TSPEAR: variants seen among roughly 807,000 people sequenced by gnomAD.
TSPEAR encodes the protein thrombospondin type laminin G domain and EAR repeats, also known as thrombospondin-type laminin G domain and EAR repeat-containing protein.
A neutral mutation model predicts 71.6 loss-of-function variants in TSPEAR; 69 were observed. The observed-to-expected ratio is 0.96, with a 90% CI of 0.79 to 1.18. The LOEUF (loss-of-function observed/expected upper bound fraction) is 1.18. Among genes scored for constraint, TSPEAR ranks in the 50% most tolerant of loss-of-function variants. The probability of loss-of-function intolerance (pLI) is 0.00; values close to 1 mark genes in which losing one functional copy is unlikely to be tolerated. For missense variants in TSPEAR, 971 were observed against 894.9 expected (o/e 1.09, Z -1.09); for synonymous variants, 402 against 387.2 (o/e 1.04, Z -0.45).
intron 1 of TSPEAR, chr21:44,637,789 T>A (rs1983725747): frequency 7.4e-7 from 1 of 1,347,714 alleles, no homozygotes; most frequent in South Asian, 1.4e-5. Flanking sequence ...AGTCTTCCCC[T>A]TCATGCTGCC....
At chr21:44,595,843 T>C (rs1392104335) in intron 1 of TSPEAR, among the ~76,000 whole-genome samples, 8 of 152,248 alleles carry the variant, frequency 5.3e-5, no homozygotes, top group African/African-American at 1.7e-4. Context: ...ACCCACTATG[T>C]TTCTGTAAAC....
At chr21:44,646,300 C>T in intron 1 of TSPEAR, 1 of 1,065,480 alleles carries the variant, frequency 9.4e-7, no homozygotes, top group Non-Finnish European at 1.3e-6. Flanking sequence ...GCTGTAAACA[C>T]CAACAAGGAA....
chr21:44,707,819 A>G (rs17213734), intron 1 of TSPEAR, among the ~76,000 whole-genome samples: 9,368 of 152,102 alleles, frequency 0.062, 322 homozygotes, highest in Middle Eastern at 0.15. Context: ...ACATGAATGG[A>G]TTCAGTAAAT....
intron 1 of TSPEAR, among the ~76,000 whole-genome samples, chr21:44,626,489 C>T (rs913692641): frequency 2.0e-5 from 3 of 152,070 alleles, no homozygotes; most frequent in Non-Finnish European, 4.4e-5. Context: ...GTTCAGAACC[C>T]GAAACCACAG....
intron 1 of TSPEAR, chr21:44,580,227 G>A (rs201789767): frequency 6.2e-7 from 1 of 1,614,128 alleles, no homozygotes; most frequent in South Asian, 1.1e-5. Flanking sequence ...CAGCAAGTTG[G>A]CTGGCAGCTA....
In TSPEAR at chr21:44,674,040, C is replaced by T. The variant is rs375668246; in HGVS notation, c.82+37393G>A. The stretch of plus-strand genomic sequence containing the variant: ...GTGGTGGTGCCTATAGTCCCAGCTG[C>T]TAGGGAGGTTGAGGTGAGATGATCA... On this transcript the variant is annotated intron_variant, in intron 1 of 11. Transcript: ENST00000323084. Among the ~76,000 whole-genome samples the T allele has an allele frequency of 2.9e-4, 44 of 151,140 alleles. 1 individual carries two copies. In the South Asian group the frequency reaches 7.8e-3, roughly 27 times the overall value.
intron 1 of TSPEAR, among the ~76,000 whole-genome samples, chr21:44,597,420 TTTTC>T (rs1321432093): frequency 5.4e-5 from 8 of 147,768 alleles, no homozygotes; most frequent in Non-Finnish European, 1.0e-4. Flanking sequence ...CTCTTTTTCT[TTTTC>T]TTTCTTTCTT....
chr21:44,707,255 C>T (rs1306883908), intron 1 of TSPEAR, among the ~76,000 whole-genome samples: 1 of 151,120 alleles, frequency 6.6e-6, no homozygotes, highest in Non-Finnish European at 1.5e-5. Context: ...CCCACCGCAA[C>T]ACCAAGGTCT....
In TSPEAR at chr21:44,550,799, G is replaced by A. The variant is rs587757230; in HGVS notation, c.304-16876C>T. 4.4e-6 allele frequency: 7 copies of A among 1,597,378 alleles called. No individual in the cohort carries two copies. The East Asian group carries it at 1.1e-4, about 26-fold the overall frequency. On this transcript the variant is annotated intron_variant, in intron 2 of 11. Transcript: ENST00000323084. ...AGGAGGGTCTGCAGCAGGAGGAGGT[G>A]CAGCAAGCTGGCTGGCAGCTAGACT...
intron 2 of TSPEAR, among the ~76,000 whole-genome samples, chr21:44,552,074 C>T (rs1555919168): frequency 6.6e-6 from 1 of 152,236 alleles, no homozygotes; most frequent in Non-Finnish European, 1.5e-5. Context: ...GGCCTCTGGA[C>T]AGTCAGCTCA....
At chr21:44,658,622 A>C (rs1164192658) in intron 1 of TSPEAR, among the ~76,000 whole-genome samples, 1 of 152,176 alleles carries the variant, frequency 6.6e-6, no homozygotes, top group African/African-American at 2.4e-5. Flanking sequence ...GCACCTCTTC[A>C]GAGAGCCACC....
chr21:44,535,362 A>C (rs587663427), intron 2 of TSPEAR, among the ~76,000 whole-genome samples: 1 of 152,140 alleles, frequency 6.6e-6, no homozygotes, highest in South Asian at 2.1e-4. Context: ...CTTATTTCCA[A>C]CTTAGATTCC....
Position 44,513,424 on chromosome 21 carries a change from A to G in TSPEAR, c.1567-4038T>C, listed in dbSNP as rs79775996. Among the ~76,000 whole-genome samples the G allele has an allele frequency of 3.5e-3, 535 of 152,314 alleles. 2 individuals are homozygous for G. Among genetic ancestry groups the G allele is most frequent in the African/African-American group, 0.012 (502 of 41,566 alleles). ...ATTAGGGACTCATAGAGGAGAGAGA[A>G]AGAATCTTCACATCAAAGGCCCTGC... On this transcript the variant is annotated intron_variant, in intron 9 of 11. Coordinates refer to ENST00000323084, the MANE Select transcript of TSPEAR (RefSeq NM_144991.3).
chr21:44,557,694 A>G (rs587636595), intron 2 of TSPEAR: 2 of 297,156 alleles, frequency 6.7e-6, no homozygotes, highest in Non-Finnish European at 1.3e-5. Context: ...GTCAGCCTGG[A>G]TGCAGCTCAA....
chr21:44,508,849 C>G (rs1368555982), intron 10 of TSPEAR: 1 of 1,403,698 alleles, frequency 7.1e-7, no homozygotes, highest in African/African-American at 1.4e-5. Flanking sequence ...CACCTCGCAC[C>G]TGTCCCTCTG....
At chr21:44,561,033 A>G (rs1216487341) in intron 2 of TSPEAR, among the ~76,000 whole-genome samples, 4 of 152,326 alleles carry the variant, frequency 2.6e-5, no homozygotes, top group South Asian at 2.1e-4. Flanking sequence ...AAAAAAATCA[A>G]TGAATCCAGG....
At chr21:44,551,073 G>A (rs2053417926) in intron 2 of TSPEAR, 1 of 1,608,072 alleles carries the variant, frequency 6.2e-7, no homozygotes, top group Admixed American at 1.7e-5. Flanking sequence ...GGCACAGCAA[G>A]CTGGCTGGCA....
intron 1 of TSPEAR, chr21:44,666,813 C>A (rs1458831789): frequency 1.2e-6 from 2 of 1,610,456 alleles, no homozygotes; most frequent in Non-Finnish European, 1.7e-6. Context: ...GCTGGGCACA[C>A]AACAGGCTGG....
intron 2 of TSPEAR, chr21:44,539,204 T>G: frequency 1.3e-6 from 2 of 1,529,890 alleles, no homozygotes; most frequent in Non-Finnish European, 1.7e-6. Flanking sequence ...GGACCCGTCC[T>G]AGGTGGGGGA....
Sources: gnomAD v4.1 joint callset for allele counts (sites outside exome capture counted in the v4.1 genomes callset) on GRCh38, gnomAD v4.1.1 for gene constraint, MANE v1.5 for transcripts, NCBI Gene and HGNC (gene_info 2026-07-23, HGNC 2026-07-21) for gene names.